The following XPR1 variants were observed in gnomAD, a reference collection of about 807,000 sequenced individuals.
XPR1 encodes xenotropic and polytropic retrovirus receptor 1.
Under a neutral mutation model 87.5 loss-of-function variants are expected in XPR1, and 28 were observed. The ratio of observed to expected loss-of-function variants is 0.32; its 90% confidence interval spans 0.24 to 0.44. The LOEUF is 0.44. Ranked by LOEUF, XPR1 falls within the 20% of genes least tolerant of loss-of-function variation. XPR1 has a pLI of 1.00. For missense variants in XPR1, 559 were observed against 862.3 expected (o/e 0.65, Z 4.41); for synonymous variants, 300 against 306.1 (o/e 0.98, Z 0.21).
intron 1 of XPR1, among the ~76,000 whole-genome samples, chr1:180,645,334 A>G (rs1307205393): frequency 6.6e-6 from 1 of 152,252 alleles, no homozygotes. Flanking sequence ...GCCCTGGCTC[A>G]GTCTCTTTCA....
At chr1:180,861,510 G>A (rs1258957098) in intron 11 of XPR1, among the ~76,000 whole-genome samples, 3 of 152,110 alleles carry the variant, frequency 2.0e-5, no homozygotes, top group Admixed American at 2.0e-4. Context: ...TAGATAGTAA[G>A]TAAATAATTT....
intron 13 of XPR1, among the ~76,000 whole-genome samples, chr1:180,875,328 G>A (rs1652626883): frequency 1.3e-5 from 2 of 152,062 alleles, no homozygotes; most frequent in South Asian, 2.1e-4. Flanking sequence ...TGGGCAACAT[G>A]GCAAAACACA....
chr1:180,696,909 T>C (rs1239114620), intron 2 of XPR1, among the ~76,000 whole-genome samples: 1 of 152,204 alleles, frequency 6.6e-6, no homozygotes, highest in African/African-American at 2.4e-5. Context: ...TGAGGATTTT[T>C]GCTTCTGTGT....
intron 9 of XPR1, among the ~76,000 whole-genome samples, chr1:180,832,475 C>T (rs1269757739): frequency 1.3e-5 from 2 of 152,148 alleles, no homozygotes; most frequent in African/African-American, 4.8e-5. Flanking sequence ...ATGCCTATGT[C>T]TTGAATGGTA....
At chr1:180,694,772 T>TGCACACACACACACAC (rs1292713709) in intron 2 of XPR1, among the ~76,000 whole-genome samples, 1 of 101,820 alleles carries the variant, frequency 9.8e-6, no homozygotes, top group East Asian at 2.3e-4. Flanking sequence ...GATTGTTGTG[T>TGCACACACACACACAC]GCACACACAC....
intron 1 of XPR1, among the ~76,000 whole-genome samples, chr1:180,647,497 A>G (rs755623024): frequency 1.6e-4 from 25 of 152,194 alleles, no homozygotes; most frequent in Non-Finnish European, 3.2e-4. Flanking sequence ...TTATTATCAA[A>G]CTAGGCCAGG....
At chr1:180,679,381 C>G (rs112542247) in intron 1 of XPR1, among the ~76,000 whole-genome samples, 1 of 152,070 alleles carries the variant, frequency 6.6e-6, no homozygotes, top group Non-Finnish European at 1.5e-5. Flanking sequence ...TGTTATCTAA[C>G]GGGTCTCTAG....
intron 11 of XPR1, among the ~76,000 whole-genome samples, chr1:180,859,507 T>C (rs894720923): frequency 6.6e-6 from 1 of 152,150 alleles, no homozygotes; most frequent in Non-Finnish European, 1.5e-5. Flanking sequence ...AAAGTGATAA[T>C]ATCTTTCCAG....
chr1:180,662,511 T>C (rs1655815026), intron 1 of XPR1, among the ~76,000 whole-genome samples: 1 of 152,166 alleles, frequency 6.6e-6, no homozygotes, highest in African/African-American at 2.4e-5. Context: ...GGAGCTCCAT[T>C]GTATGTTATT....
At position 180,825,233 on chromosome 1, in the gene XPR1, C is replaced by T. The variant is rs2102152460; in HGVS notation, c.1023C>T (p.Val341=). 2 of 1,613,966 alleles carry T rather than the reference C, an allele frequency of 1.2e-6. No individual in the cohort carries two copies. Among genetic ancestry groups the T allele is most frequent in the East Asian group, 4.5e-5 (2 of 44,894 alleles). ...LLACFFAPIS[V]IPTYVYPLAL... ...CATGCTTCTTTGCTCCAATTAGTGTCATCCCCACATATGTGTATCCACTTG... is the reference window on the plus strand; with the variant it reads ...CATGCTTCTTTGCTCCAATTAGTGTTATCCCCACATATGTGTATCCACTTG... Residue 341 remains valine, a synonymous_variant, in exon 9 of 15, where the codon GTC becomes GTT. Coordinates refer to ENST00000367590, the MANE Select transcript of XPR1 (RefSeq NM_004736.4).
At chr1:180,794,719 A>AG (rs1172318025) in intron 3 of XPR1, among the ~76,000 whole-genome samples, 1 of 152,184 alleles carries the variant, frequency 6.6e-6, no homozygotes, top group Non-Finnish European at 1.5e-5. Context: ...GGATGGCTGT[A>AG]GGGAGAGGTG....
At chr1:180,862,762 A>G (rs535112519) in intron 11 of XPR1, among the ~76,000 whole-genome samples, 2 of 152,250 alleles carry the variant, frequency 1.3e-5, no homozygotes, top group African/African-American at 4.8e-5. Flanking sequence ...ACGATGCATG[A>G]TATATCCTTC....
At chr1:180,713,946 G>C (rs1292927975) in intron 2 of XPR1, among the ~76,000 whole-genome samples, 1 of 151,952 alleles carries the variant, frequency 6.6e-6, no homozygotes, top group African/African-American at 2.4e-5. Context: ...GTATATATCT[G>C]GTATTATTCT....
chr1:180,817,094 T>C (rs1650436827), intron 7 of XPR1, among the ~76,000 whole-genome samples: 1 of 151,784 alleles, frequency 6.6e-6, no homozygotes, highest in East Asian at 1.9e-4. Flanking sequence ...GTTTAAAAAG[T>C]AAAAATAAAA....
intron 1 of XPR1, among the ~76,000 whole-genome samples, chr1:180,645,362 T>TG (rs1379558757): frequency 6.6e-6 from 1 of 152,236 alleles, no homozygotes; most frequent in Admixed American, 6.5e-5. Context: ...TGCTAATGTT[T>TG]GAAACATGTC....
At chr1:180,712,957 CA>C (rs1657855482) in intron 2 of XPR1, among the ~76,000 whole-genome samples, 1 of 72,166 alleles carries the variant, frequency 1.4e-5, no homozygotes, top group Non-Finnish European at 2.9e-5. Flanking sequence ...TTTTTTTTTT[CA>C]AAGTAGTTTT....
intron 2 of XPR1, among the ~76,000 whole-genome samples, chr1:180,682,845 T>C (rs1278107004): frequency 3.3e-5 from 5 of 152,050 alleles, no homozygotes; most frequent in Non-Finnish European, 4.4e-5. Flanking sequence ...TGTGTGTGTG[T>C]GTGTGTGTAA....
At chr1:180,672,213 A>C (rs1262800959) in intron 1 of XPR1, among the ~76,000 whole-genome samples, 2 of 152,190 alleles carry the variant, frequency 1.3e-5, no homozygotes, top group Non-Finnish European at 2.9e-5. Context: ...ATATACATTT[A>C]GTTTAATCAG....
At chr1:180,775,127 G>T (rs1450414640) in intron 2 of XPR1, among the ~76,000 whole-genome samples, 1 of 152,060 alleles carries the variant, frequency 6.6e-6, no homozygotes, top group Non-Finnish European at 1.5e-5. Flanking sequence ...GAATTTGGGG[G>T]GACACATTCA....
Sources: allele counts gnomAD v4.1 joint callset (sites outside exome capture counted in the v4.1 genomes callset), GRCh38; gene constraint gnomAD v4.1.1; transcripts MANE v1.5; gene names NCBI Gene and HGNC (gene_info 2026-07-23, HGNC 2026-07-21).